FERMT2: variants seen among roughly 807,000 people sequenced by gnomAD.
FERMT2 encodes the protein FERM domain containing kindlin 2.
A neutral mutation model predicts 82.7 loss-of-function variants in FERMT2; 15 were observed. The observed-to-expected ratio is 0.18, with a 90% CI of 0.12 to 0.28. FERMT2 has a LOEUF of 0.28. FERMT2 is among the 10% of genes least tolerant of loss of function. FERMT2 has a pLI of 1.00. For synonymous variants in FERMT2, 274 were observed against 271.5 expected (o/e 1.01, Z -0.09); for missense variants, 645 against 809.4 (o/e 0.80, Z 2.46).
intron 3 of FERMT2, among the ~76,000 whole-genome samples, chr14:52,916,655 A>G (rs567172103): frequency 6.6e-6 from 1 of 152,342 alleles, no homozygotes; most frequent in South Asian, 2.1e-4. Flanking sequence ...GTACAACACC[A>G]GAAGTGAACC....
chr14:52,893,405 A>G lies in FERMT2; in HGVS notation c.414T>C (p.Leu138=), dbSNP rs1887068673. 1 of 1,607,630 alleles carries G rather than the reference A, an allele frequency of 6.2e-7. No homozygotes were observed. Among genetic ancestry groups the G allele is most frequent in the Admixed American group, 1.7e-5 (1 of 58,804 alleles). The change falls in exon 4 of 15, where the codon CTT becomes CTC. Residue 138 remains leucine, a synonymous_variant. Coordinates refer to ENST00000341590, the MANE Select transcript of FERMT2 (RefSeq NM_006832.3). ...KTFNIRHPEE[L]SLLKKPRDPT... Reference sequence around the variant, plus strand: ...GATCTCTGGGTTTCTTTAAGAGAGAAAGTTCTTCGGGGTGTCTGATATCTG... The same window carrying G: ...GATCTCTGGGTTTCTTTAAGAGAGAGAGTTCTTCGGGGTGTCTGATATCTG...
chr14:52,938,832 C>T (rs1396571931), intron 2 of FERMT2, among the ~76,000 whole-genome samples: 2 of 152,062 alleles, frequency 1.3e-5, no homozygotes, highest in Admixed American at 6.5e-5. Flanking sequence ...TCCCTAAGTG[C>T]TGTAAAATTC....
At chr14:52,949,435 C>T (rs1325294489) in intron 2 of FERMT2, among the ~76,000 whole-genome samples, 2 of 150,248 alleles carry the variant, frequency 1.3e-5, no homozygotes, top group Non-Finnish European at 3.0e-5. Context: ...CCCCAACCCC[C>T]CTTCACCAAA....
intron 10 of FERMT2, 37 bp from the exon 11 acceptor site, chr14:52,864,890 A>G: frequency 8.4e-7 from 1 of 1,190,286 alleles, no homozygotes; most frequent in Non-Finnish European, 1.2e-6. Flanking sequence ...GGCTAAATTT[A>G]CTTTTAAGAA....
At chr14:52,938,623 G>A (rs1595021102) in intron 2 of FERMT2, among the ~76,000 whole-genome samples, 1 of 152,148 alleles carries the variant, frequency 6.6e-6, no homozygotes, top group African/African-American at 2.4e-5. Flanking sequence ...CTGGAGTACA[G>A]TGGTGCGATC....
chr14:52,859,644 T>C lies in FERMT2; in HGVS notation c.1798A>G (p.Thr600Ala). 6.2e-7 allele frequency: 1 copy of C among 1,612,856 alleles called. No individual in the cohort carries two copies. The highest frequency in any genetic ancestry group is 8.5e-7 in the Non-Finnish European group (1 of 1,179,316). Residue 600 changes from threonine (T) to alanine (A), a missense_variant, in exon 14 of 15, where the codon ACT (threonine) becomes GCT (alanine). Transcript: ENST00000341590. ...YNRLIRMDAS[T>A]GDAIKTWRFS... ...CGCCATGTTTTAATTGCATCTCCAG[T>C]GCTGGCATCCATCCGAATCAGTCTG...
intron 3 of FERMT2, among the ~76,000 whole-genome samples, chr14:52,896,164 T>A (rs1026198063): frequency 2.0e-5 from 3 of 152,344 alleles, no homozygotes; most frequent in African/African-American, 2.4e-5. Flanking sequence ...GAACTATCAC[T>A]GGATATGTGG....
intron 4 of FERMT2, among the ~76,000 whole-genome samples, chr14:52,890,342 G>T (rs1434885896): frequency 1.3e-5 from 2 of 150,302 alleles, no homozygotes; most frequent in Non-Finnish European, 3.0e-5. Flanking sequence ...TACTCAGGAG[G>T]CTGAGGCAGG....
At chr14:52,926,410 CAACACA>C (rs1889275122) in intron 2 of FERMT2, among the ~76,000 whole-genome samples, 1 of 94,972 alleles carries the variant, frequency 1.1e-5, no homozygotes, top group African/African-American at 4.1e-5. Flanking sequence ...TGACCAAGTG[CAACACA>C]CACACACACA....
In FERMT2 at chr14:52,932,837, GA is replaced by G. The variant is rs1889650862; in HGVS notation, c.158-13482del. ...AACTACTCTGTATTCTAGAGGAAAA[GA>G]ATTCTCAACAGTGCAATCTACAACA... is the stretch of plus-strand genomic sequence containing the variant. On this transcript the variant is annotated intron_variant, in intron 2 of 14. Transcript: ENST00000341590. 1.4e-4 allele frequency among the ~76,000 whole-genome samples: 21 copies of G among 152,268 alleles called. 2 individuals are homozygous for G. In the South Asian group the frequency reaches 4.4e-3, roughly 32 times the overall value.
At chr14:52,930,284 C>T (rs1437679212) in intron 2 of FERMT2, among the ~76,000 whole-genome samples, 1 of 152,138 alleles carries the variant, frequency 6.6e-6, no homozygotes, top group Non-Finnish European at 1.5e-5. Context: ...CTCTATTGTG[C>T]AAAGTGTTTA....
In FERMT2 at chr14:52,911,545, G is replaced by A. The variant is rs187962195; in HGVS notation, c.391+7578C>T. Among the ~76,000 whole-genome samples the A allele has an allele frequency of 5.0e-3, 760 of 152,046 alleles. 6 individuals are homozygous for A. The highest frequency in any genetic ancestry group is 0.05 in the East Asian group (256 of 5,150). ...GAGCGCCTATAGTCCCAGCTACTAGGGAGGCTGAGGCAGGAGAATGGCGTG... is the reference window on the plus strand; with the variant it reads ...GAGCGCCTATAGTCCCAGCTACTAGAGAGGCTGAGGCAGGAGAATGGCGTG... On this transcript the variant is annotated intron_variant, in intron 3 of 14. Coordinates refer to ENST00000341590, the MANE Select transcript of FERMT2 (RefSeq NM_006832.3).
intron 13 of FERMT2, 166 bp downstream of exon 13, chr14:52,860,175 A>AAATT: frequency 1.7e-6 from 1 of 577,838 alleles, no homozygotes. Context: ...TTTAATGTAG[A>AAATT]AATTAAAAGC....
intron 2 of FERMT2, among the ~76,000 whole-genome samples, chr14:52,938,284 A>G (rs574713455): frequency 3.1e-4 from 47 of 152,380 alleles, no homozygotes; most frequent in Admixed American, 2.7e-3. Flanking sequence ...CAAAGCAATC[A>G]GAATACTGAA....
chr14:52,946,217 A>T (rs1375449293), intron 2 of FERMT2, among the ~76,000 whole-genome samples: 1 of 152,120 alleles, frequency 6.6e-6, no homozygotes. Flanking sequence ...GAATCCCATA[A>T]AATTGGGCCT....
At chr14:52,901,031 C>T (rs769908268) in intron 3 of FERMT2, among the ~76,000 whole-genome samples, 1 of 139,282 alleles carries the variant, frequency 7.2e-6, no homozygotes, top group African/African-American at 2.7e-5. Flanking sequence ...GAGGCCGAGG[C>T]GGGCGGATCA....
At chr14:52,869,086 T>C (rs898489687) in intron 10 of FERMT2, among the ~76,000 whole-genome samples, 2 of 152,088 alleles carry the variant, frequency 1.3e-5, no homozygotes, top group African/African-American at 4.8e-5. Flanking sequence ...ACAGATTTAG[T>C]CTCAAAGTCA....
At chr14:52,923,662 G>A (rs1475069814) in intron 2 of FERMT2, among the ~76,000 whole-genome samples, 1 of 151,452 alleles carries the variant, frequency 6.6e-6, no homozygotes, top group Non-Finnish European at 1.5e-5. Flanking sequence ...AGGATCCAAA[G>A]ATTACATACT....
chr14:52,924,125 C>T (rs1889116252), intron 2 of FERMT2, among the ~76,000 whole-genome samples: 1 of 152,114 alleles, frequency 6.6e-6, no homozygotes, highest in South Asian at 2.1e-4. Flanking sequence ...TGCAAGAAGG[C>T]ACTGTTCTAG....
Sources: gnomAD v4.1 joint callset for allele counts (sites outside exome capture counted in the v4.1 genomes callset) on GRCh38, gnomAD v4.1.1 for gene constraint, MANE v1.5 for transcripts, NCBI Gene and HGNC (gene_info 2026-07-23, HGNC 2026-07-21) for gene names.